ROBO1: variants seen among roughly 807,000 people sequenced by gnomAD.
ROBO1 encodes the protein roundabout homolog 1.
ROBO1 carries 149 observed loss-of-function variants against 195.9 expected under a neutral mutation model. The observed-to-expected ratio is 0.76, with a 90% CI of 0.67 to 0.87. The LOEUF (loss-of-function observed/expected upper bound fraction) is 0.87. Ranked by LOEUF, ROBO1 falls within the 40% of genes least tolerant of loss-of-function variation. The probability of loss-of-function intolerance (pLI) is 0.00; values close to 1 mark genes in which losing one functional copy is unlikely to be tolerated. For missense variants in ROBO1, 1,933 were observed against 2,068.3 expected, an observed-to-expected ratio of 0.93 and a Z score of 1.27; for synonymous variants, 816 against 733.2, an observed-to-expected ratio of 1.11 and a Z score of -1.82.
chr3:79,306,298 T>A (rs1331315869), intron 2 of ROBO1, among the ~76,000 whole-genome samples: 1 of 152,142 alleles, frequency 6.6e-6, no homozygotes, highest in African/African-American at 2.4e-5. Flanking sequence ...AGAAACAAAA[T>A]AAATAAAATT....
rs558774153 is a variant in ROBO1 at position 78,684,937 on chromosome 3, T to C, written c.1342+809A>G. Among the ~76,000 whole-genome samples the C allele has an allele frequency of 3.9e-5, 6 of 152,276 alleles. No individual in the cohort carries two copies. In the South Asian group the frequency reaches 1.2e-3, roughly 32 times the overall value. ...GTTTCTTTCTTTAAGTGCTCTTTCA[T>C]CTACTTTTTGGAATTGATAGTGAAA... On this transcript the variant is annotated intron_variant, in intron 10 of 30. Coordinates refer to ENST00000464233, the MANE Select transcript of ROBO1 (RefSeq NM_002941.4).
intron 2 of ROBO1, among the ~76,000 whole-genome samples, chr3:79,566,280 A>T (rs1327912504): frequency 1.3e-5 from 2 of 152,154 alleles, no homozygotes; most frequent in Non-Finnish European, 2.9e-5. Flanking sequence ...GTAACTTAGC[A>T]TCGTGTGTCT....
intron 2 of ROBO1, among the ~76,000 whole-genome samples, chr3:79,221,714 G>C (rs1473179549): frequency 2.0e-5 from 3 of 151,942 alleles, no homozygotes; most frequent in Non-Finnish European, 2.9e-5. Flanking sequence ...ATACATTTTT[G>C]GTACTTAATG....
rs565931616 is a variant in ROBO1 at position 79,241,439 on chromosome 3, A to G, written c.89-115900T>C. Among the ~76,000 whole-genome samples, 338 of 152,252 alleles carry G rather than the reference A, an allele frequency of 2.2e-3. 1 individual carries two copies. Among genetic ancestry groups the G allele is most frequent in the African/African-American group, 7.1e-3 (297 of 41,570 alleles). On this transcript the variant is annotated intron_variant, in intron 2 of 30. Transcript: ENST00000464233. ...ATTTATATTCAAAAGAAAAAAATAA[A>G]TTCTTTTCCTTTTTTGACTTATTTT...
chr3:79,144,863 C>T (rs2080611590), intron 2 of ROBO1, among the ~76,000 whole-genome samples: 1 of 151,852 alleles, frequency 6.6e-6, no homozygotes, highest in African/African-American at 2.4e-5. Flanking sequence ...AGCAATGTAT[C>T]TTGTTAGAGA....
intron 2 of ROBO1, among the ~76,000 whole-genome samples, chr3:79,271,855 C>A (rs549972911): frequency 9.9e-5 from 15 of 152,008 alleles, no homozygotes; most frequent in African/African-American, 2.9e-4. Flanking sequence ...ACAATTTGAG[C>A]CCTTCATTAT....
intron 2 of ROBO1, among the ~76,000 whole-genome samples, chr3:79,295,276 A>G (rs548880822): frequency 6.6e-6 from 1 of 152,346 alleles, no homozygotes; most frequent in African/African-American, 2.4e-5. Context: ...CCATAAAAAG[A>G]GAATGAGTTC....
chr3:79,485,412 G>A (rs1426995143), intron 2 of ROBO1, among the ~76,000 whole-genome samples: 1 of 151,828 alleles, frequency 6.6e-6, no homozygotes, highest in South Asian at 2.1e-4. Flanking sequence ...AATAAGTAAT[G>A]ACATTATTAC....
chr3:79,592,482 GCATT>G (rs1944034743), intron 1 of ROBO1, among the ~76,000 whole-genome samples: 1 of 151,946 alleles, frequency 6.6e-6, no homozygotes, highest in African/African-American at 2.4e-5. Context: ...AATGGGAATT[GCATT>G]ATTAGCTATT....
intron 2 of ROBO1, among the ~76,000 whole-genome samples, chr3:79,216,983 T>C (rs952836484): frequency 6.6e-6 from 1 of 152,084 alleles, no homozygotes; most frequent in Non-Finnish European, 1.5e-5. Context: ...CATTAACCAG[T>C]AATAATCACA....
At chr3:78,802,662 T>G (rs1285728037) in intron 4 of ROBO1, among the ~76,000 whole-genome samples, 1 of 152,088 alleles carries the variant, frequency 6.6e-6, no homozygotes, top group East Asian at 1.9e-4. Flanking sequence ...CAATCCCACA[T>G]AAGACTTTTC....
At chr3:79,762,777 C>A (rs1421004893) in intron 1 of ROBO1, among the ~76,000 whole-genome samples, 1 of 152,154 alleles carries the variant, frequency 6.6e-6, no homozygotes, top group Non-Finnish European at 1.5e-5. Flanking sequence ...TAGAAATTGT[C>A]ATTTTTGCCC....
intron 2 of ROBO1, among the ~76,000 whole-genome samples, chr3:79,488,507 T>C (rs75729460): frequency 0.025 from 3,754 of 152,272 alleles, 169 homozygotes; most frequent in African/African-American, 0.085. Flanking sequence ...AAATGCCATA[T>C]GTCATAATTT....
intron 1 of ROBO1, among the ~76,000 whole-genome samples, chr3:79,655,127 T>C (rs1946122213): frequency 6.6e-6 from 1 of 152,046 alleles, no homozygotes; most frequent in South Asian, 2.1e-4. Flanking sequence ...AACAAAATAA[T>C]TACTTTAAAA....
rs527665530 is a variant in ROBO1, at chr3:79,420,682, A to G, written c.88+169142T>C. Among the ~76,000 whole-genome samples, 46 of 152,264 alleles carry G rather than the reference A, an allele frequency of 3.0e-4. No individual in the cohort carries two copies. The South Asian group carries it at 9.1e-3, about 30-fold the overall frequency. ...CAATAGAATGCAGTGAAAGCAATGC[A>G]CCTGACCCTTGAGGTTGGATCTTAA... On this transcript the variant is annotated intron_variant, in intron 2 of 30. Coordinates refer to ENST00000464233, the MANE Select transcript of ROBO1 (RefSeq NM_002941.4).
intron 2 of ROBO1, among the ~76,000 whole-genome samples, chr3:79,276,553 T>C (rs1393711117): frequency 6.6e-6 from 1 of 151,992 alleles, no homozygotes; most frequent in Admixed American, 6.6e-5. Flanking sequence ...TCTAAGACAC[T>C]GGTCTGGGTA....
intron 2 of ROBO1, among the ~76,000 whole-genome samples, chr3:79,532,053 G>C (rs1365635178): frequency 6.6e-6 from 1 of 152,000 alleles, no homozygotes; most frequent in Non-Finnish European, 1.5e-5. Flanking sequence ...ATTTAGTCAA[G>C]GTAAATGGTA....
chr3:79,587,845 A>G (rs1008414617), intron 2 of ROBO1, among the ~76,000 whole-genome samples: 1 of 151,716 alleles, frequency 6.6e-6, no homozygotes, highest in Non-Finnish European at 1.5e-5. Flanking sequence ...CCTAGCCTGA[A>G]GCCAGTGCTC....
rs367635429 is a variant in ROBO1 at position 78,746,869 on chromosome 3, C to T, written c.531G>A (p.Ser177=). The T allele has an allele frequency of 5.1e-6, 8 of 1,583,024 alleles. No homozygotes were observed. The highest frequency in any genetic ancestry group is 1.1e-5 in the South Asian group (1 of 87,376). The change falls in exon 5 of 31, where the codon TCG becomes TCA. Residue 177 remains serine, a synonymous_variant. Transcript: ENST00000464233. ...ILRDDFRQNP[S]DVMVAVGEPA... is the part of the protein sequence containing the mutation. ...GCTCTCCTACTGCAACCATGACATC[C>T]GAAGGGTTTTGTCTGAAGTCATCCC... is the stretch of plus-strand genomic sequence containing the variant.
Sources: gnomAD v4.1 joint callset for allele counts (sites outside exome capture counted in the v4.1 genomes callset) on GRCh38, gnomAD v4.1.1 for gene constraint, MANE v1.5 for transcripts, NCBI Gene and HGNC (gene_info 2026-07-23, HGNC 2026-07-21) for gene names.